IL31RA: variants seen among roughly 807,000 people sequenced by gnomAD.
IL31RA encodes interleukin-31 receptor subunit alpha.
A neutral mutation model predicts 83.7 loss-of-function variants in IL31RA; 66 were observed. The ratio of observed to expected loss-of-function variants is 0.79; its 90% CI spans 0.65 to 0.97. IL31RA has a LOEUF of 0.97. Among genes scored for constraint, IL31RA ranks in the 50% least tolerant of loss-of-function variants. The probability of loss-of-function intolerance (pLI) is 0.00; values close to 1 mark genes in which losing one functional copy is unlikely to be tolerated. For synonymous variants in IL31RA, 325 were observed against 329.0 expected, an observed-to-expected ratio of 0.99 and a Z score of 0.13; for missense variants, 798 against 919.4, an observed-to-expected ratio of 0.87 and a Z score of 1.71.
rs1750002470 is a variant in IL31RA at position 55,919,886 on chromosome 5, C to T, written c.*2766C>T. On this transcript the variant is annotated 3_prime_UTR_variant, in exon 15 of 15. Transcript: ENST00000652347. ...TGCCTCTGTGGCTGGAGAAGGCCAT[C>T]TGTGTTTTCCCTGTTTACTGTCAGA... is the stretch of plus-strand genomic sequence containing the variant. 6.6e-6 allele frequency among the ~76,000 whole-genome samples: 1 copy of T among 152,244 alleles called. No homozygotes were observed. The highest frequency in any genetic ancestry group is 6.5e-5 in the Admixed American group (1 of 15,282).
chr5:55,894,001 A>G (rs1347834112), intron 6 of IL31RA, among the ~76,000 whole-genome samples: 1 of 151,978 alleles, frequency 6.6e-6, no homozygotes, highest in East Asian at 1.9e-4. Context: ...TCCAAGAAGA[A>G]TTTCACTCAT....
At chr5:55,879,536 G>A (rs1052422437) in intron 4 of IL31RA, among the ~76,000 whole-genome samples, 4 of 138,546 alleles carry the variant, frequency 2.9e-5, no homozygotes, top group Non-Finnish European at 6.1e-5. Flanking sequence ...AGGTTCAAGC[G>A]ATTCTCCTGC....
rs185436194 is a variant in IL31RA, at chr5:55,920,319, G to A, written c.*3199G>A. ...CACGCCCCTAGTTACTCCTGCTGCA[G>A]CAGGCACCCTGCCACCCAGGGCAGT... is the stretch of plus-strand genomic sequence containing the variant. On this transcript the variant is annotated 3_prime_UTR_variant, in exon 15 of 15. Transcript: ENST00000652347. Among the ~76,000 whole-genome samples the A allele has an allele frequency of 4.1e-4, 63 of 152,368 alleles. No individual in the cohort carries two copies. The East Asian group carries it at 8.7e-3, about 21-fold the overall frequency.
intron 5 of IL31RA, among the ~76,000 whole-genome samples, chr5:55,884,691 G>T (rs1451888235): frequency 6.6e-6 from 1 of 152,210 alleles, no homozygotes; most frequent in African/African-American, 2.4e-5. Context: ...AAAGTTCTGA[G>T]ATTACAGGTG....
intron 9 of IL31RA, 99 bp downstream of exon 9, chr5:55,906,387 GGTTAATAGCATTTGTCAA>G: frequency 9.0e-7 from 1 of 1,106,846 alleles, no homozygotes; most frequent in Non-Finnish European, 1.4e-6. Flanking sequence ...CTGTTAGTGT[GGTTAATAGCATTTGTCAA>G]GCTTGTGCAA....
At chr5:55,844,143 A>T in the IL31RA span, among the ~76,000 whole-genome samples, 1 of 152,162 alleles carries the variant, frequency 6.6e-6, no homozygotes, top group Non-Finnish European at 1.5e-5. Context: ...ATTACATCCA[A>T]TGTCTCCTCA....
At position 55,913,520 on chromosome 5, in the gene IL31RA, C is replaced by A. The variant is rs1346043017; in HGVS notation, c.1686C>A (p.Gly562=). 4 of 1,613,490 alleles carry A rather than the reference C, an allele frequency of 2.5e-6. No individual in the cohort carries two copies. In the Admixed American group the frequency reaches 5.0e-5, roughly 20 times the overall value. The change falls in exon 13 of 15, where the codon GGC becomes GGA. Residue 562 remains glycine, a synonymous_variant. Transcript: ENST00000652347. ...TCATAACTTCTCTGATTGGTGGAGG[C>A]CTTCTTATTCTCATTATCCTGACAG... is the stretch of plus-strand genomic sequence containing the variant. ...IILITSLIGG[G]LLILIILTVA...
At chr5:55,859,203 A>AT (rs1305060855) in intron 1 of IL31RA, among the ~76,000 whole-genome samples, 1 of 152,202 alleles carries the variant, frequency 6.6e-6, no homozygotes, top group African/African-American at 2.4e-5. Context: ...GGGCCAGAGG[A>AT]TGGCCTCATA....
At chr5:55,909,280 A>T (rs1017688511) in intron 11 of IL31RA, 1 of 152,546 alleles carries the variant, frequency 6.6e-6, no homozygotes, top group Non-Finnish European at 1.5e-5. Context: ...TTGTTTATCC[A>T]TTCATCAGTT....
At chr5:55,894,593 C>T (rs1748219193) in intron 6 of IL31RA, among the ~76,000 whole-genome samples, 1 of 152,304 alleles carries the variant, frequency 6.6e-6, no homozygotes, top group South Asian at 2.1e-4. Flanking sequence ...ACTTTGGCTT[C>T]TGCAAGAGTA....
chr5:55,900,757 T>C (rs1026082655), intron 8 of IL31RA, among the ~76,000 whole-genome samples: 1 of 152,246 alleles, frequency 6.6e-6, no homozygotes, highest in Admixed American at 6.5e-5. Context: ...TCCTCTTTTC[T>C]CTCTTATTTT....
chr5:55,860,769 G>C (rs147224363), intron 2 of IL31RA, among the ~76,000 whole-genome samples: 1 of 152,308 alleles, frequency 6.6e-6, no homozygotes, highest in Non-Finnish European at 1.5e-5. Context: ...GTAGTGGGAA[G>C]GTGGGGAAGG....
intron 2 of IL31RA, among the ~76,000 whole-genome samples, chr5:55,867,235 G>GTGTGTGTGTT (rs1746194512): frequency 4.8e-5 from 1 of 20,958 alleles, no homozygotes; most frequent in Non-Finnish European, 1.6e-4. Flanking sequence ...GTGTGTGTTT[G>GTGTGTGTGTT]TGTGTGTGTT....
At chr5:55,878,532 T>C (rs1473486291) in intron 4 of IL31RA, among the ~76,000 whole-genome samples, 1 of 152,262 alleles carries the variant, frequency 6.6e-6, no homozygotes, top group Non-Finnish European at 1.5e-5. Context: ...CTGGGCTTAC[T>C]CTGAGCCTAG....
the IL31RA span, among the ~76,000 whole-genome samples, chr5:55,842,061 T>C: frequency 6.6e-6 from 1 of 152,178 alleles, no homozygotes; most frequent in Non-Finnish European, 1.5e-5. Flanking sequence ...ATTACAGGCA[T>C]GAGCCACTGC....
chr5:55,844,764 G>A, the IL31RA span, among the ~76,000 whole-genome samples: 12 of 151,548 alleles, frequency 7.9e-5, no homozygotes, highest in African/African-American at 2.9e-4. Flanking sequence ...CACCTTTGCA[G>A]TTGTCCTGAA....
chr5:55,905,245 C>T lies in IL31RA; in HGVS notation c.1070-861C>T, dbSNP rs561345524. 2.6e-3 allele frequency among the ~76,000 whole-genome samples: 399 copies of T among 150,840 alleles called. 4 individuals are homozygous for T. Among genetic ancestry groups the T allele is most frequent in the African/African-American group, 9.2e-3 (379 of 41,092 alleles). On this transcript the variant is annotated intron_variant, in intron 8 of 14. Transcript: ENST00000652347. ...AGAAAGAAAGAAAAAGAAAAAGAAA[C>T]GCTTTTCCCATGGATTCGAGTTTTG...
intron 6 of IL31RA, among the ~76,000 whole-genome samples, chr5:55,894,375 G>A (rs1748206170): frequency 6.6e-6 from 1 of 152,178 alleles, no homozygotes; most frequent in Non-Finnish European, 1.5e-5. Flanking sequence ...AGAAATTTGA[G>A]TACCGGCTGT....
At chr5:55,858,192 AT>A (rs1329513216) in intron 1 of IL31RA, among the ~76,000 whole-genome samples, 2 of 152,180 alleles carry the variant, frequency 1.3e-5, no homozygotes, top group African/African-American at 4.8e-5. Context: ...CAGAATAGCA[AT>A]TTTAGTTTTA....
Sources: gnomAD v4.1 joint callset for allele counts (sites outside exome capture counted in the v4.1 genomes callset) on GRCh38, gnomAD v4.1.1 for gene constraint, MANE v1.5 for transcripts, NCBI Gene and HGNC (gene_info 2026-07-23, HGNC 2026-07-21) for gene names.